Variants in LAPTM4A observed in about 807,000 individuals in gnomAD.
LAPTM4A encodes the protein lysosomal-associated transmembrane protein 4A.
In LAPTM4A, 19 loss-of-function variants were observed where a neutral mutation model predicts 29.9. The ratio of observed to expected loss-of-function variants is 0.64; its 90% CI spans 0.44 to 0.93. LAPTM4A has a LOEUF of 0.93. Ranked by LOEUF, LAPTM4A falls within the 40% of genes least tolerant of loss-of-function variation. The pLI, the probability that LAPTM4A is intolerant of heterozygous loss-of-function variation, is 0.00. For synonymous variants in LAPTM4A, 105 were observed against 102.1 expected, an observed-to-expected ratio of 1.03 and a Z score of -0.17; for missense variants, 293 against 288.5, an observed-to-expected ratio of 1.02 and a Z score of -0.11.
chr2:20,051,448 C>T lies in LAPTM4A; in HGVS notation c.73G>A (p.Val25Ile), dbSNP rs369568215. ...CCCAGGATGATCGTCCCGGTGCGGA[C>T]ATGGCAACAGCCGCAGCACCGGGTG... ...YSTRCCGCCH[V>I]RTGTIILGTW... The change falls in exon 1 of 7, where the codon GTC becomes ATC. Residue 25 changes from valine to isoleucine, a missense_variant. Coordinates refer to ENST00000175091, the MANE Select transcript of LAPTM4A (RefSeq NM_014713.5). The T allele has an allele frequency of 9.9e-6, 16 of 1,613,354 alleles. No individual in the cohort carries two copies. In the African/African-American group the frequency reaches 2.1e-4, roughly 22 times the overall value.
intron 6 of LAPTM4A, among the ~76,000 whole-genome samples, chr2:20,033,612 T>C (rs1260896537): frequency 6.6e-6 from 1 of 152,110 alleles, no homozygotes; most frequent in African/African-American, 2.4e-5. Context: ...ACACTTCAGG[T>C]GTTGAGGAGT....
At chr2:20,047,398 A>G (rs1260604862) in intron 1 of LAPTM4A, among the ~76,000 whole-genome samples, 1 of 148,364 alleles carries the variant, frequency 6.7e-6, no homozygotes, top group Admixed American at 6.7e-5. Flanking sequence ...AAAAAGAAAA[A>G]AAAAAAAAAA....
At chr2:20,048,115 A>G (rs567283823) in intron 1 of LAPTM4A, among the ~76,000 whole-genome samples, 26 of 152,356 alleles carry the variant, frequency 1.7e-4, no homozygotes, top group Admixed American at 1.7e-3. Flanking sequence ...CCATATATTA[A>G]GTCTAAGAGA....
In LAPTM4A at chr2:20,042,096, C is replaced by G. The variant is rs75222548; in HGVS notation, c.112-1085G>C. On this transcript the variant is annotated intron_variant, in intron 1 of 6. Coordinates refer to ENST00000175091, the MANE Select transcript of LAPTM4A (RefSeq NM_014713.5). ...ATCTCAGTTCTCATATTCTGGCTAA[C>G]GAATTTCAATTAATGCAACCTGAAG... Among the ~76,000 whole-genome samples, 7 of 152,254 alleles carry G rather than the reference C, an allele frequency of 4.6e-5. No homozygotes were observed. The East Asian group carries it at 1.4e-3, about 29-fold the overall frequency.
At chr2:20,034,772 T>A (rs1218084249) in intron 5 of LAPTM4A, among the ~76,000 whole-genome samples, 195 bp downstream of exon 5, 1 of 152,200 alleles carries the variant, frequency 6.6e-6, no homozygotes, top group Non-Finnish European at 1.5e-5. Flanking sequence ...CAGAGAAGGA[T>A]CCTGACAGTT....
chr2:20,047,696 C>CAAAAAAAAAAAAAAA (rs61601787), intron 1 of LAPTM4A, among the ~76,000 whole-genome samples: 1 of 76,720 alleles, frequency 1.3e-5, no homozygotes, highest in African/African-American at 5.0e-5. Context: ...GACTCCGTCT[C>CAAAAAAAAAAAAAAA]AAAAAAAAAA....
At chr2:20,043,760 C>T (rs1187693026) in intron 1 of LAPTM4A, among the ~76,000 whole-genome samples, 11 of 152,202 alleles carry the variant, frequency 7.2e-5, no homozygotes, top group Non-Finnish European at 1.3e-4. Context: ...TGTATTACTT[C>T]ACTTATTCCT....
chr2:20,033,137 T>C lies in LAPTM4A; in HGVS notation c.*68A>G, dbSNP rs545633010. ...TCAAACAAGTTTGAAGAGCCCTGAA[T>C]TGCAGCATTCTGTAACATAAACAAA... is the stretch of plus-strand genomic sequence containing the variant. On this transcript the variant is annotated 3_prime_UTR_variant, in exon 7 of 7. Coordinates refer to ENST00000175091, the MANE Select transcript of LAPTM4A (RefSeq NM_014713.5). 1.1e-3 allele frequency: 1,365 copies of C among 1,274,706 alleles called. 14 individuals carry two copies. The South Asian group carries it at 0.014, about 14-fold the overall frequency. 79.0% of individuals were successfully genotyped at this position (1,274,706 alleles called of 1,614,324 possible).
chr2:20,036,475 C>A (rs377338985), intron 4 of LAPTM4A, among the ~76,000 whole-genome samples: 1 of 152,222 alleles, frequency 6.6e-6, no homozygotes, highest in South Asian at 2.1e-4. Flanking sequence ...GATTCCTTCA[C>A]CAGGAAGTAA....
chr2:20,049,473 C>T (rs994086327), intron 1 of LAPTM4A, among the ~76,000 whole-genome samples: 2 of 152,326 alleles, frequency 1.3e-5, no homozygotes, highest in African/African-American at 4.8e-5. Flanking sequence ...CAGATGTAAA[C>T]TCCTCACTCC....
chr2:20,041,519 T>A (rs717095), intron 1 of LAPTM4A, among the ~76,000 whole-genome samples: 2 of 151,444 alleles, frequency 1.3e-5, no homozygotes, highest in East Asian at 3.9e-4. Context: ...CTTACTTTTG[T>A]GTGTGTGTGT....
At chr2:20,043,298 T>C (rs1176449461) in intron 1 of LAPTM4A, among the ~76,000 whole-genome samples, 1 of 151,016 alleles carries the variant, frequency 6.6e-6, no homozygotes. Flanking sequence ...TACTGCAGCT[T>C]CCACCTCTTG....
At chr2:20,041,642 C>A (rs1175915907) in intron 1 of LAPTM4A, among the ~76,000 whole-genome samples, 3 of 152,026 alleles carry the variant, frequency 2.0e-5, no homozygotes, top group Non-Finnish European at 4.4e-5. Context: ...CTCATGTGAT[C>A]CTCCCACCTC....
chr2:20,050,524 A>C (rs1674030460), intron 1 of LAPTM4A, among the ~76,000 whole-genome samples: 1 of 152,244 alleles, frequency 6.6e-6, no homozygotes, highest in South Asian at 2.1e-4. Context: ...AAAACTACCT[A>C]AACTGAATCC....
At chr2:20,049,422 G>A (rs536203931) in intron 1 of LAPTM4A, among the ~76,000 whole-genome samples, 1 of 152,188 alleles carries the variant, frequency 6.6e-6, no homozygotes, top group African/African-American at 2.4e-5. Flanking sequence ...GTCTTCAGAG[G>A]TATGTGAACC....
Position 20,032,676 on chromosome 2 carries a change from C to A in LAPTM4A, c.*529G>T, listed in dbSNP as rs1673587285. The A allele has an allele frequency of 6.6e-6, 1 of 152,612 alleles. No individual in the cohort carries two copies. The highest frequency in any genetic ancestry group is 1.5e-5 in the Non-Finnish European group (1 of 68,328). The allele number at this position is 152,612 out of a possible 1,614,324, so 9.5% of individuals were successfully genotyped here. A position where few individuals can be genotyped will look rare whatever the true frequency, so the allele number is the denominator to read the frequency against. ...AAGTATTTAAAGAGATTTATTAAAT[C>A]ATCTTATCACAAAGATGGAAACATA... On this transcript the variant is annotated 3_prime_UTR_variant, in exon 7 of 7. Transcript: ENST00000175091.
chr2:20,040,800 T>C lies in LAPTM4A; in HGVS notation c.232+91A>G, dbSNP rs139692906. ...ACACAACAATATCACCCAGTGACAT[T>C]TCTCAGAATGTGTCCCCATCATTAA... On this transcript the variant is annotated intron_variant, in intron 2 of 6. Transcript: ENST00000175091. 1.2e-4 allele frequency: 149 copies of C among 1,196,610 alleles called. 2 individuals are homozygous for C. In the East Asian group the frequency reaches 3.5e-3, roughly 28 times the overall value. The allele number at this position is 1,196,610 out of a possible 1,614,324, so 74.1% of individuals were successfully genotyped here. A position where few individuals can be genotyped will look rare whatever the true frequency, so the allele number is the denominator to read the frequency against.
chr2:20,036,954 G>A (rs1278539442), intron 4 of LAPTM4A, among the ~76,000 whole-genome samples: 1 of 152,160 alleles, frequency 6.6e-6, no homozygotes, highest in African/African-American at 2.4e-5. Flanking sequence ...AACATAGTAG[G>A]CACTGGAATA....
intron 1 of LAPTM4A, among the ~76,000 whole-genome samples, chr2:20,041,875 A>G (rs1214009854): frequency 6.6e-6 from 1 of 152,134 alleles, no homozygotes; most frequent in Non-Finnish European, 1.5e-5. Flanking sequence ...TCCCTTCTAA[A>G]TAAGTGCTCC....
Sources: allele counts gnomAD v4.1 joint callset (sites outside exome capture counted in the v4.1 genomes callset), GRCh38; gene constraint gnomAD v4.1.1; transcripts MANE v1.5; gene names NCBI Gene and HGNC (gene_info 2026-07-23, HGNC 2026-07-21).